The following DNM2 variants were observed in gnomAD, a reference collection of about 807,000 sequenced individuals.
The protein encoded by DNM2 is dynamin-2.
A neutral mutation model predicts 99.0 loss-of-function variants in DNM2; 15 were observed. The ratio of observed to expected loss-of-function variants is 0.15; its 90% CI spans 0.10 to 0.23. DNM2 has a LOEUF of 0.23. Among genes scored for constraint, DNM2 ranks in the 10% least tolerant of loss-of-function variants. The pLI is 1.00. For synonymous variants in DNM2, 525 were observed against 481.2 expected (o/e 1.09, Z -1.19); for missense variants, 742 against 1,189.4 (o/e 0.62, Z 5.53).
At chr19:10,768,082 C>A (rs2070856199) in intron 2 of DNM2, among the ~76,000 whole-genome samples, 1 of 152,136 alleles carries the variant, frequency 6.6e-6, no homozygotes, top group South Asian at 2.1e-4. Context: ...GGTTTTCTGG[C>A]ACCTGCTGTC....
At chr19:10,798,394 C>T in intron 10 of DNM2, 92 bp from the exon 11 acceptor site, 1 of 932,232 alleles carries the variant, frequency 1.1e-6, no homozygotes, top group South Asian at 1.4e-5. Flanking sequence ...TCTCATTCCC[C>T]ACCCCCCTCC....
At chr19:10,741,938 T>TTTCC (rs1369164777) in intron 1 of DNM2, among the ~76,000 whole-genome samples, 1 of 150,468 alleles carries the variant, frequency 6.6e-6, no homozygotes, top group East Asian at 2.0e-4. Flanking sequence ...CCCTCCCTTC[T>TTTCC]TTCCTTCCTT....
chr19:10,794,474 TGCAGTG>T lies in DNM2; in HGVS notation c.1128+622_1128+627del, dbSNP rs1217004641. ...TTAAAATCAGAGGAGCAAGACCAAA[TGCAGTG>T]GCTCACGCCTATAATCCGTGGGAGG... On this transcript the variant is annotated intron_variant, in intron 8 of 20. Transcript: ENST00000389253. Among the ~76,000 whole-genome samples the T allele has an allele frequency of 5.3e-5, 8 of 152,070 alleles. No individual in the cohort carries two copies. The East Asian group carries it at 1.2e-3, about 22-fold the overall frequency.
Position 10,775,057 on chromosome 19 carries a change from C to T in DNM2, c.386-646C>T, listed in dbSNP as rs2071108690. On this transcript the variant is annotated intron_variant, in intron 3 of 20. Coordinates refer to ENST00000389253, the MANE Select transcript of DNM2 (RefSeq NM_001005361.3). This position sits in a 1 kb window ranked among gnomAD's most constrained non-coding sequence, Gnocchi z 4.3. ...AAGTGCTGGGATGACAGGCATGAGT[C>T]ACCGCGCCTGGCCTCATCCATTTGT... is the stretch of plus-strand genomic sequence containing the variant. Among the ~76,000 whole-genome samples the T allele has an allele frequency of 6.6e-6, 1 of 151,920 alleles. No individual in the cohort carries two copies. Among genetic ancestry groups the T allele is most frequent in the South Asian group, 2.1e-4 (1 of 4,820 alleles).
chr19:10,826,386 C>T (rs1317195515), intron 18 of DNM2, among the ~76,000 whole-genome samples: 4 of 152,238 alleles, frequency 2.6e-5, no homozygotes. Context: ...TGGGCAGCCG[C>T]TGTGTCCTAA....
intron 1 of DNM2, among the ~76,000 whole-genome samples, chr19:10,721,731 C>T (rs374351917): frequency 1.2e-4 from 19 of 152,276 alleles, no homozygotes; most frequent in African/African-American, 2.2e-4. Context: ...GGATGTGGTC[C>T]GAGTGGGAAC....
rs945445831 is a variant in DNM2 at position 10,795,835 on chromosome 19, C to T, written c.1196+396C>T. On this transcript the variant is annotated intron_variant, in intron 9 of 20. Transcript: ENST00000389253. The surrounding 1 kb of genome is among the most constrained non-coding windows in gnomAD (Gnocchi z 4.2). ...CTTCCTCGTGAGCCTCTTGGGTCCC[C>T]TCCTTATTCTAACAAAGGTAGTTGC... 2 of 664,602 alleles carry T rather than the reference C, an allele frequency of 3.0e-6. No individual in the cohort carries two copies. Among genetic ancestry groups the T allele is most frequent in the African/African-American group, 3.6e-5 (2 of 55,450 alleles). The allele number at this position is 664,602 out of a possible 1,614,324, so 41.2% of individuals were successfully genotyped here. A position where few individuals can be genotyped will look rare whatever the true frequency, so the allele number is the denominator to read the frequency against.
intron 16 of DNM2, chr19:10,823,376 G>T (rs1310211561): frequency 1.3e-5 from 2 of 151,758 alleles, no homozygotes; most frequent in African/African-American, 4.8e-5. Context: ...TTGCACTCCA[G>T]CCTGGACAAC....
chr19:10,759,228 ACC>A (rs367686766), intron 1 of DNM2, among the ~76,000 whole-genome samples: 1 of 152,212 alleles, frequency 6.6e-6, no homozygotes, highest in African/African-American at 2.4e-5. Context: ...CATTTTCATC[ACC>A]CCAGAAAGCT....
intron 2 of DNM2, among the ~76,000 whole-genome samples, chr19:10,760,773 A>T (rs1006989571): frequency 6.9e-6 from 1 of 144,602 alleles, no homozygotes; most frequent in Non-Finnish European, 1.5e-5. Flanking sequence ...ATCCTCTCCA[A>T]TCAGCCTCTC....
intron 14 of DNM2, 67 bp downstream of exon 14, chr19:10,808,647 C>T: frequency 1.3e-6 from 2 of 1,529,836 alleles, no homozygotes; most frequent in Non-Finnish European, 1.8e-6. Flanking sequence ...CCCGCCCACC[C>T]CTAATATTCC....
At position 10,830,546 on chromosome 19, in the gene DNM2, G is replaced by C; in HGVS notation, c.2543+168G>C. 1.2e-6 allele frequency: 1 copy of C among 831,860 alleles called. No homozygotes were observed. The highest frequency in any genetic ancestry group is 2.7e-5 in the East Asian group (1 of 37,368). The allele number at this position is 831,860 out of a possible 1,614,324, so 51.5% of individuals were successfully genotyped here. ...GAAACAGGCCCAGAGAGGCCAAGAG[G>C]CTTGTTCAGTGTCACAGAGTAGCGG... On this transcript the variant is annotated intron_variant, in intron 20 of 20. Coordinates refer to ENST00000389253, the MANE Select transcript of DNM2 (RefSeq NM_001005361.3). This position sits in a 1 kb window ranked among gnomAD's most constrained non-coding sequence, Gnocchi z 4.8.
chr19:10,748,436 G>T (rs953012849), intron 1 of DNM2, among the ~76,000 whole-genome samples: 2 of 152,196 alleles, frequency 1.3e-5, no homozygotes, highest in African/African-American at 4.8e-5. Flanking sequence ...GCCCTTTGGG[G>T]TGACCACAGG....
intron 3 of DNM2, among the ~76,000 whole-genome samples, chr19:10,773,036 G>A (rs2071032557): frequency 6.8e-6 from 1 of 146,252 alleles, no homozygotes; most frequent in Non-Finnish European, 1.5e-5. Flanking sequence ...CTGGGGTTCA[G>A]TGGTGTGATC....
Position 10,718,631 on chromosome 19 carries a change from C to G in DNM2, c.161+228C>G, listed in dbSNP as rs113305450. On this transcript the variant is annotated intron_variant, in intron 1 of 20. Transcript: ENST00000389253. ...CCAGGGGCGGTGTCACGGGCCAGGGCGCCGTAGGACAGGAGGTGCGCTGGA... is the reference window on the plus strand; with the variant it reads ...CCAGGGGCGGTGTCACGGGCCAGGGGGCCGTAGGACAGGAGGTGCGCTGGA... The G allele has an allele frequency of 0.044, 22,360 of 503,080 alleles. 661 individuals carry two copies. The highest frequency in any genetic ancestry group is 0.093 in the African/African-American group (4,587 of 49,392). 31.2% of individuals were successfully genotyped at this position (503,080 alleles called of 1,614,324 possible).
At chr19:10,813,837 A>AAAG (rs1372584819) in intron 15 of DNM2, among the ~76,000 whole-genome samples, 1 of 151,354 alleles carries the variant, frequency 6.6e-6, no homozygotes, top group African/African-American at 2.4e-5. Flanking sequence ...AAAAAAAAAA[A>AAAG]AAAGAAGAAG....
rs1003840180 is a variant in DNM2, at chr19:10,816,720, T to G, written c.1672-3260T>G. 6.6e-6 allele frequency among the ~76,000 whole-genome samples: 1 copy of G among 152,154 alleles called. No homozygotes were observed. Among genetic ancestry groups the G allele is most frequent in the Non-Finnish European group, 1.5e-5 (1 of 68,016 alleles). On this transcript the variant is annotated intron_variant, in intron 15 of 20. Transcript: ENST00000389253. This position sits in a 1 kb window ranked among gnomAD's most constrained non-coding sequence, Gnocchi z 4.6. ...GCTGTGGGGACCTTCCAGGGTCCCCTGGGTGGGAATGCCAGGCCTGGGGCA... is the reference window on the plus strand; with the variant it reads ...GCTGTGGGGACCTTCCAGGGTCCCCGGGGTGGGAATGCCAGGCCTGGGGCA...
rs753491707 is a variant in DNM2, at chr19:10,823,804, C to T, written c.1798C>T (p.Leu600=). 1.9e-6 allele frequency: 3 copies of T among 1,613,696 alleles called. No homozygotes were observed. Among genetic ancestry groups the T allele is most frequent in the Non-Finnish European group, 2.5e-6 (3 of 1,180,014 alleles). The change falls in exon 17 of 21, where the codon CTG becomes TTG. Residue 600 remains leucine (L), a synonymous_variant. Coordinates refer to ENST00000389253, the MANE Select transcript of DNM2 (RefSeq NM_001005361.3). ...NTEQRNVYKD[L]RQIELACDSQ... Reference sequence around the variant, plus strand: ...CCCCCGCAGAAACGTCTACAAGGACCTGCGGCAGATCGAGCTGGCCTGTGA... The same window carrying T: ...CCCCCGCAGAAACGTCTACAAGGACTTGCGGCAGATCGAGCTGGCCTGTGA...
intron 16 of DNM2, among the ~76,000 whole-genome samples, chr19:10,822,708 A>T (rs924685326): frequency 4.6e-5 from 7 of 151,924 alleles, no homozygotes; most frequent in Admixed American, 3.3e-4. Context: ...CATGTTGGCC[A>T]GGCTGGTCTC....
Sources: allele counts gnomAD v4.1 joint callset (sites outside exome capture counted in the v4.1 genomes callset), GRCh38; gene constraint gnomAD v4.1.1; non-coding constraint Gnocchi (gnomAD v3.1); transcripts MANE v1.5; gene names NCBI Gene and HGNC (gene_info 2026-07-23, HGNC 2026-07-21).